COL22A1: variants seen among roughly 807,000 people sequenced by gnomAD.
COL22A1 encodes the protein collagen type XXII alpha 1 chain.
Under a neutral mutation model 248.9 loss-of-function variants are expected in COL22A1, and 221 were observed. That is an observed-to-expected ratio of 0.89 (90% CI 0.80 to 0.99). The LOEUF (loss-of-function observed/expected upper bound fraction) is 0.99. Among genes scored for constraint, COL22A1 ranks in the 50% least tolerant of loss-of-function variants. The pLI is 0.00. For synonymous variants in COL22A1, 891 were observed against 793.4 expected (o/e 1.12, Z -2.07); for missense variants, 2,240 against 2,179.0 (o/e 1.03, Z -0.56).
At chr8:138,659,332 T>G (rs1289946177) in intron 44 of COL22A1, among the ~76,000 whole-genome samples, 1 of 151,706 alleles carries the variant, frequency 6.6e-6, no homozygotes, top group Admixed American at 6.6e-5. Context: ...GGATGGGGGG[T>G]CATCCACACC....
At chr8:138,686,196 G>T (rs565029337) in intron 37 of COL22A1, among the ~76,000 whole-genome samples, 1 of 152,324 alleles carries the variant, frequency 6.6e-6, no homozygotes, top group East Asian at 1.9e-4. Flanking sequence ...CTGCAATGGA[G>T]AGAGCAAGAG....
intron 56 of COL22A1, among the ~76,000 whole-genome samples, chr8:138,609,176 C>T (rs1326382502): frequency 6.6e-6 from 1 of 152,236 alleles, no homozygotes; most frequent in Admixed American, 6.5e-5. Context: ...CATTAACTCA[C>T]TCATTGCTCA....
At chr8:138,724,838 A>G (rs934750453) in intron 24 of COL22A1, among the ~76,000 whole-genome samples, 170 bp from the exon 25 acceptor site, 8 of 152,168 alleles carry the variant, frequency 5.3e-5, no homozygotes, top group Non-Finnish European at 1.2e-4. Context: ...GCACCTCTGA[A>G]GTTGACACGT....
chr8:138,701,151 C>T (rs999721053), intron 31 of COL22A1, among the ~76,000 whole-genome samples: 1 of 152,206 alleles, frequency 6.6e-6, no homozygotes, highest in Non-Finnish European at 1.5e-5. Flanking sequence ...GTCGTGTCTT[C>T]ACGGATCCCT....
chr8:138,610,334 A>C (rs1276761762), intron 56 of COL22A1, among the ~76,000 whole-genome samples: 1 of 152,200 alleles, frequency 6.6e-6, no homozygotes, highest in Non-Finnish European at 1.5e-5. Context: ...ATTTTAGAGA[A>C]AGCAAAATGA....
chr8:138,844,246 C>G, intron 3 of COL22A1, 88 bp from the exon 4 acceptor site: 1 of 1,234,500 alleles, frequency 8.1e-7, no homozygotes, highest in Admixed American at 1.7e-5. Flanking sequence ...AGACCCCACC[C>G]TGCCTTGCAG....
intron 22 of COL22A1, among the ~76,000 whole-genome samples, chr8:138,741,273 C>T (rs910280792): frequency 1.3e-5 from 2 of 152,196 alleles, no homozygotes; most frequent in African/African-American, 4.8e-5. Context: ...GAAATAAATA[C>T]TTGAGTCATG....
intron 27 of COL22A1, among the ~76,000 whole-genome samples, 176 bp downstream of exon 27, chr8:138,720,563 T>C (rs1387496323): frequency 6.6e-6 from 1 of 152,112 alleles, no homozygotes; most frequent in Non-Finnish European, 1.5e-5. Context: ...GCCAGCCTCA[T>C]GTTGTCATCC....
intron 41 of COL22A1, among the ~76,000 whole-genome samples, chr8:138,676,308 A>AT (rs11384523): frequency 0.66 from 99,626 of 150,058 alleles, 35,266 homozygotes; most frequent in East Asian, 0.79. Context: ...AGGCAGGAGA[A>AT]TCACTTGAAC....
At chr8:138,674,121 C>A (rs1389361226) in intron 41 of COL22A1, among the ~76,000 whole-genome samples, 1 of 152,174 alleles carries the variant, frequency 6.6e-6, no homozygotes, top group African/African-American at 2.4e-5. Flanking sequence ...ACCTCCCAAA[C>A]AAACTCCTTG....
chr8:138,717,463 T>G (rs1339125241), intron 27 of COL22A1, among the ~76,000 whole-genome samples: 1 of 152,110 alleles, frequency 6.6e-6, no homozygotes, highest in East Asian at 1.9e-4. Context: ...TATTTTTTTA[T>G]TTTTAGTTTT....
intron 1 of COL22A1, among the ~76,000 whole-genome samples, chr8:138,913,188 C>A (rs1339655208): frequency 6.6e-6 from 1 of 151,998 alleles, no homozygotes; most frequent in Non-Finnish European, 1.5e-5. Context: ...CCCCCTGCTC[C>A]ATTTCCCCCG....
chr8:138,885,602 A>G (rs1824606772), intron 1 of COL22A1, among the ~76,000 whole-genome samples: 1 of 151,586 alleles, frequency 6.6e-6, no homozygotes, highest in Non-Finnish European at 1.5e-5. Context: ...TTTTTTTCTG[A>G]TGGAGTTTCA....
chr8:138,828,855 C>A (rs867147468), intron 5 of COL22A1, among the ~76,000 whole-genome samples: 4 of 152,322 alleles, frequency 2.6e-5, no homozygotes, highest in Middle Eastern at 6.8e-3. Flanking sequence ...ACACCTGGGA[C>A]CTGCTCTCCT....
intron 15 of COL22A1, chr8:138,777,984 A>AATTCAG: frequency 2.9e-6 from 1 of 345,476 alleles, no homozygotes; most frequent in Non-Finnish European, 5.5e-6. Flanking sequence ...AGGGGCTAAG[A>AATTCAG]ATTCAGTAGA....
chr8:138,877,504 G>A (rs1333026011), intron 3 of COL22A1, among the ~76,000 whole-genome samples: 11 of 152,220 alleles, frequency 7.2e-5, no homozygotes, highest in Admixed American at 6.5e-4. Flanking sequence ...CTCTGCCCGC[G>A]ACCTCTGCCT....
At chr8:138,912,567 C>A (rs553730418) in intron 1 of COL22A1, among the ~76,000 whole-genome samples, 2 of 152,082 alleles carry the variant, frequency 1.3e-5, no homozygotes, top group East Asian at 3.9e-4. Flanking sequence ...ATGGAGAAAC[C>A]GCATCTCTAC....
chr8:138,811,246 T>C (rs1019862457), intron 9 of COL22A1, among the ~76,000 whole-genome samples: 56 of 148,426 alleles, frequency 3.8e-4, no homozygotes, highest in African/African-American at 1.3e-3. Context: ...TAGAAACACA[T>C]AGACAAAACT....
At chr8:138,858,748 C>T (rs984909862) in intron 3 of COL22A1, among the ~76,000 whole-genome samples, 3 of 152,154 alleles carry the variant, frequency 2.0e-5, no homozygotes, top group Non-Finnish European at 4.4e-5. Context: ...AAAAACCAAA[C>T]AAAAACAAAG....
Sources: gnomAD v4.1 joint callset for allele counts (sites outside exome capture counted in the v4.1 genomes callset) on GRCh38, gnomAD v4.1.1 for gene constraint, MANE v1.5 for transcripts, NCBI Gene and HGNC (gene_info 2026-07-23, HGNC 2026-07-21) for gene names.